PMF1: variants seen among roughly 807,000 people sequenced by gnomAD.
The protein encoded by PMF1 is polyamine modulated factor 1.
In PMF1, 21 loss-of-function variants were observed where a neutral mutation model predicts 26.7. The ratio of observed to expected loss-of-function variants is 0.79; its 90% CI spans 0.56 to 1.13. The LOEUF (loss-of-function observed/expected upper bound fraction) is 1.13. Among genes scored for constraint, PMF1 ranks in the 50% most tolerant of loss-of-function variants. The pLI is 0.00. For missense variants in PMF1, 266 were observed against 254.9 expected (o/e 1.04, Z -0.30); for synonymous variants, 105 against 101.0 (o/e 1.04, Z -0.24).
At chr1:156,216,849 C>T (rs1475812941) in intron 1 of PMF1, among the ~76,000 whole-genome samples, 2 of 152,052 alleles carry the variant, frequency 1.3e-5, no homozygotes, top group East Asian at 1.9e-4. Flanking sequence ...GGCCCGCCTC[C>T]GCTCCCGGGG....
At chr1:156,235,835 A>T (rs961808819) in intron 3 of PMF1, among the ~76,000 whole-genome samples, 1 of 152,166 alleles carries the variant, frequency 6.6e-6, no homozygotes, top group Non-Finnish European at 1.5e-5. Flanking sequence ...CAGATCAGCC[A>T]ACACTTATGG....
At position 156,237,298 on chromosome 1, in the gene PMF1, C is replaced by T. The variant is rs540387580; in HGVS notation, c.564+815C>T. 2.0e-5 allele frequency: 3 copies of T among 151,158 alleles called. No individual in the cohort carries two copies. In the East Asian group the frequency reaches 5.8e-4, roughly 29 times the overall value. The allele number at this position is 151,158 out of a possible 1,614,324, so 9.4% of individuals were successfully genotyped here. ...TTACACTACTGTTGAACAGAATTTA[C>T]ACCTTTTACCTAACTGTATGTTTAT... On this transcript the variant is annotated intron_variant, in intron 4 of 4. Coordinates refer to ENST00000368277, the MANE Select transcript of PMF1 (RefSeq NM_007221.4).
chr1:156,215,672 A>G (rs1657658817), intron 1 of PMF1, among the ~76,000 whole-genome samples: 1 of 152,092 alleles, frequency 6.6e-6, no homozygotes, highest in Non-Finnish European at 1.5e-5. Flanking sequence ...GATTACAGGC[A>G]TGAGCCACAG....
At chr1:156,216,904 T>C (rs541334828) in intron 1 of PMF1, among the ~76,000 whole-genome samples, 73 of 152,100 alleles carry the variant, frequency 4.8e-4, no homozygotes, top group Admixed American at 1.7e-3. Flanking sequence ...TATGCAGCCA[T>C]AAAAAATGAT....
At chr1:156,217,097 C>T (rs1464753774) in intron 1 of PMF1, among the ~76,000 whole-genome samples, 2 of 148,040 alleles carry the variant, frequency 1.4e-5, no homozygotes, top group South Asian at 2.1e-4. Context: ...GTTGGGGGAG[C>T]GGGGAGGGAT....
chr1:156,213,405 G>A (rs1657498296), intron 1 of PMF1, among the ~76,000 whole-genome samples: 1 of 152,198 alleles, frequency 6.6e-6, no homozygotes, highest in Non-Finnish European at 1.5e-5. Flanking sequence ...AGGAAGCCCC[G>A]TTTTCACTAA....
intron 4 of PMF1, chr1:156,236,842 A>G (rs571291368): frequency 3.7e-6 from 1 of 269,032 alleles, no homozygotes; most frequent in African/African-American, 2.1e-5. Flanking sequence ...ACTGCCCAAC[A>G]TAGATATATA....
intron 1 of PMF1, among the ~76,000 whole-genome samples, chr1:156,215,092 T>G (rs1657628948): frequency 8.3e-6 from 1 of 120,604 alleles, no homozygotes; most frequent in African/African-American, 4.2e-5. Context: ...TTGGCCAGGC[T>G]GGTCTCGAAC....
At chr1:156,225,682 C>T (rs778759952) in intron 1 of PMF1, 33 of 1,434,002 alleles carry the variant, frequency 2.3e-5, no homozygotes, top group Non-Finnish European at 3.0e-5. Flanking sequence ...AGTCCTGGCT[C>T]CTTTTTTGGC....
chr1:156,214,407 G>A (rs915474364), intron 1 of PMF1, among the ~76,000 whole-genome samples: 4 of 152,026 alleles, frequency 2.6e-5, no homozygotes, highest in Non-Finnish European at 5.9e-5. Context: ...TTCCTCCTGG[G>A]TTCAGCACTT....
intron 1 of PMF1, among the ~76,000 whole-genome samples, chr1:156,221,944 C>T (rs1658104227): frequency 6.6e-6 from 1 of 152,194 alleles, no homozygotes; most frequent in Admixed American, 6.5e-5. Flanking sequence ...AGTTCAGGCC[C>T]TGACTGTCTC....
Position 156,214,237 on chromosome 1 carries a change from ACT to A in PMF1, c.161+1063_161+1064del, listed in dbSNP as rs1657559283. 9.2e-5 allele frequency among the ~76,000 whole-genome samples: 14 copies of A among 152,112 alleles called. No homozygotes were observed. The South Asian group carries it at 2.9e-3, about 32-fold the overall frequency. On this transcript the variant is annotated intron_variant, in intron 1 of 4. Transcript: ENST00000368277. ...CCTTCACTTTTATATAATTTATATG[ACT>A]CGAGAGTTTTGCCCATGATCCCACC...
Position 156,236,139 on chromosome 1 carries a change from G to T in PMF1, c.369-149G>T, listed in dbSNP as rs905831432. The T allele has an allele frequency of 5.5e-5, 54 of 979,004 alleles. No individual in the cohort carries two copies. The Admixed American group carries it at 1.4e-3, about 25-fold the overall frequency. The allele number at this position is 979,004 out of a possible 1,614,324, so 60.6% of individuals were successfully genotyped here. ...CATTCCTACGAGGAACAGGTCTTGG[G>T]AGGTGAGAGGGACCACAGGAGAGAC... On this transcript the variant is annotated intron_variant, in intron 3 of 4. Coordinates refer to ENST00000368277, the MANE Select transcript of PMF1 (RefSeq NM_007221.4).
intron 1 of PMF1, among the ~76,000 whole-genome samples, chr1:156,224,122 C>G (rs969547311): frequency 1.3e-5 from 2 of 152,042 alleles, no homozygotes; most frequent in Non-Finnish European, 2.9e-5. Context: ...CTAAATTAGT[C>G]CAAGAGACCA....
intron 4 of PMF1, among the ~76,000 whole-genome samples, chr1:156,238,861 G>A (rs570722379): frequency 3.7e-4 from 52 of 141,478 alleles, no homozygotes; most frequent in Admixed American, 1.7e-3. Context: ...GGCAGCAGGC[G>A]CGAAAGTGGT....
rs779418661 is a variant in PMF1, at chr1:156,213,098, C to G, written c.83C>G (p.Pro28Arg). The change falls in exon 1 of 5, where the codon CCC becomes CGC. Residue 28 changes from proline to arginine, a missense_variant. Transcript: ENST00000368277. ...GGGTCGTCTTCGGAATCTGTGCCAC[C>G]CGGCACTACCATTTCGAGGGTGAAG... ...HEGSSSESVP[P>R]GTTISRVKLL... 6 of 1,614,126 alleles carry G rather than the reference C, an allele frequency of 3.7e-6. No homozygotes were observed. In the African/African-American group the frequency reaches 6.7e-5, roughly 18 times the overall value.
intron 1 of PMF1, among the ~76,000 whole-genome samples, chr1:156,221,558 C>T (rs1459231317): frequency 6.6e-6 from 1 of 152,166 alleles, no homozygotes; most frequent in African/African-American, 2.4e-5. Context: ...GTTCATCATT[C>T]TCTATTCTTC....
At position 156,232,468 on chromosome 1, in the gene PMF1, T is replaced by C. The variant is rs529768620; in HGVS notation, c.267+43T>C. On this transcript the variant is annotated intron_variant, in intron 2 of 4. Coordinates refer to ENST00000368277, the MANE Select transcript of PMF1 (RefSeq NM_007221.4). ...TGGCAGGTGCTGTTGACTTGGGTTC[T>C]GTCTCCAGATTGTCAGTCCCCTGAG... The C allele has an allele frequency of 1.1e-4, 169 of 1,591,334 alleles. 2 individuals carry two copies. In the South Asian group the frequency reaches 1.8e-3, roughly 17 times the overall value.
At chr1:156,215,931 C>G (rs973236181) in intron 1 of PMF1, among the ~76,000 whole-genome samples, 1 of 152,082 alleles carries the variant, frequency 6.6e-6, no homozygotes, top group African/African-American at 2.4e-5. Context: ...TCAGGTGATC[C>G]GCCTGCCTCG....
Sources: gnomAD v4.1 joint callset for allele counts (sites outside exome capture counted in the v4.1 genomes callset) on GRCh38, gnomAD v4.1.1 for gene constraint, MANE v1.5 for transcripts, NCBI Gene and HGNC (gene_info 2026-07-23, HGNC 2026-07-21) for gene names.